RAB27B: variants seen among roughly 807,000 people sequenced by gnomAD.
The protein encoded by RAB27B is RAB27B, member RAS oncogene family.
Under a neutral mutation model 24.6 loss-of-function variants are expected in RAB27B, and 15 were observed. The ratio of observed to expected loss-of-function variants is 0.61; its 90% CI spans 0.41 to 0.94. The LOEUF (loss-of-function observed/expected upper bound fraction) is 0.94. RAB27B is among the 40% of genes least tolerant of loss of function. The pLI is 0.00. For synonymous variants in RAB27B, 105 were observed against 92.5 expected (o/e 1.14, Z -0.78); for missense variants, 261 against 266.8 (o/e 0.98, Z 0.15).
rs745847602 is a variant in RAB27B at position 54,802,088 on chromosome 18, T to C, written c.-19-75479T>C. Among the ~76,000 whole-genome samples, 68 of 152,224 alleles carry C rather than the reference T, an allele frequency of 4.5e-4. 1 individual carries two copies. Among genetic ancestry groups the C allele is most frequent in the Non-Finnish European group, 3.1e-4 (21 of 68,032 alleles). ...ATCTAAGCTACAAAACCTTCATTTT[T>C]GTTAGAGGTGAAGGAGTAAAGTGAG... On this transcript the variant is annotated intron_variant, in intron 2 of 4. Transcript: ENST00000586570.
At chr18:54,832,802 G>A (rs192106547) in intron 1 of RAB27B, among the ~76,000 whole-genome samples, 20 of 152,238 alleles carry the variant, frequency 1.3e-4, no homozygotes, top group Middle Eastern at 3.4e-3. Flanking sequence ...AGTGAGATGA[G>A]GACAGAGAAG....
intron 1 of RAB27B, among the ~76,000 whole-genome samples, chr18:54,847,274 C>T (rs144099223): frequency 6.6e-6 from 1 of 152,290 alleles, no homozygotes; most frequent in African/African-American, 2.4e-5. Context: ...ACATAAAATA[C>T]GTTTCTACTG....
chr18:54,833,528 T>G (rs74333617), intron 1 of RAB27B, among the ~76,000 whole-genome samples: 5,221 of 152,278 alleles, frequency 0.034, 140 homozygotes, highest in Admixed American at 0.077. Flanking sequence ...CACCCGGCCA[T>G]GAATCCCTCT....
Position 54,773,156 on chromosome 18 carries a change from G to GAA in RAB27B, c.-20+55017_-20+55018dup, listed in dbSNP as rs1366919898. 2.6e-5 allele frequency among the ~76,000 whole-genome samples: 4 copies of GAA among 151,878 alleles called. No homozygotes were observed. The East Asian group carries it at 7.7e-4, about 29-fold the overall frequency. ...ATTAAATTGAGCAGACATTAGCTTT[G>GAA]AAATTTCATTTTCTAAAGCACTAAA... On this transcript the variant is annotated intron_variant, in intron 2 of 4. Transcript: ENST00000586570.
intron 2 of RAB27B, among the ~76,000 whole-genome samples, chr18:54,773,534 G>A (rs1598893829): frequency 6.6e-6 from 1 of 152,300 alleles, no homozygotes; most frequent in East Asian, 1.9e-4. Flanking sequence ...GTCACAGGTA[G>A]TCCTATCTTC....
At chr18:54,816,674 G>C (rs1247839755) in intron 2 of RAB27B, among the ~76,000 whole-genome samples, 3 of 152,182 alleles carry the variant, frequency 2.0e-5, no homozygotes, top group Admixed American at 6.5e-5. Flanking sequence ...AAATATCTTA[G>C]AGTTAGGATC....
At chr18:54,767,095 G>C (rs1302099582) in intron 2 of RAB27B, among the ~76,000 whole-genome samples, 1 of 152,148 alleles carries the variant, frequency 6.6e-6, no homozygotes, top group African/African-American at 2.4e-5. Context: ...GGAAACTTTA[G>C]TCAATTACAG....
At chr18:54,887,383 T>C (rs1913188277) in intron 4 of RAB27B, among the ~76,000 whole-genome samples, 1 of 152,054 alleles carries the variant, frequency 6.6e-6, no homozygotes, top group Non-Finnish European at 1.5e-5. Flanking sequence ...TACTGAATAC[T>C]TACTATGTGC....
At chr18:54,784,575 T>C (rs1005432991) in intron 2 of RAB27B, among the ~76,000 whole-genome samples, 2 of 152,244 alleles carry the variant, frequency 1.3e-5, no homozygotes, top group African/African-American at 2.4e-5. Flanking sequence ...TTTGGTTTTC[T>C]GTTCCTGTGT....
At chr18:54,767,022 C>A (rs1345184233) in intron 2 of RAB27B, among the ~76,000 whole-genome samples, 1 of 152,116 alleles carries the variant, frequency 6.6e-6, no homozygotes, top group Non-Finnish European at 1.5e-5. Flanking sequence ...TGAGGACCAT[C>A]CAATTCACTA....
chr18:54,822,999 C>A (rs1910359558), intron 2 of RAB27B, among the ~76,000 whole-genome samples: 1 of 152,104 alleles, frequency 6.6e-6, no homozygotes, highest in East Asian at 1.9e-4. Flanking sequence ...AAGAAACAGG[C>A]AACATGAGGT....
chr18:54,853,120 T>C (rs1334891006), intron 1 of RAB27B, among the ~76,000 whole-genome samples: 2 of 152,194 alleles, frequency 1.3e-5, no homozygotes, highest in South Asian at 4.1e-4. Flanking sequence ...TTGCATATGG[T>C]TGATGTTCAG....
rs550001419 is a variant in RAB27B, at chr18:54,893,473, T to C, written c.*4060T>C. On this transcript the variant is annotated 3_prime_UTR_variant, in exon 6 of 6. Coordinates refer to ENST00000262094, the MANE Select transcript of RAB27B (RefSeq NM_004163.4). ...GAGAAAGCTTTATCATTTTTTAAGA[T>C]GCCAAGATGCTGCCTACGTTTGCAA... The C allele has an allele frequency of 3.9e-5, 6 of 152,142 alleles. No homozygotes were observed. The highest frequency in any genetic ancestry group is 1.2e-4 in the African/African-American group (5 of 41,560). The allele number at this position is 152,142 out of a possible 1,614,324, so 9.4% of individuals were successfully genotyped here. A position where few individuals can be genotyped will look rare whatever the true frequency, so the allele number is the denominator to read the frequency against.
intron 2 of RAB27B, among the ~76,000 whole-genome samples, chr18:54,807,017 C>A (rs1392875721): frequency 6.6e-6 from 1 of 152,130 alleles, no homozygotes; most frequent in African/African-American, 2.4e-5. Context: ...TCTCTTGCCT[C>A]AGTCTCCTGA....
intron 2 of RAB27B, among the ~76,000 whole-genome samples, chr18:54,741,922 AG>A (rs1910085356): frequency 6.6e-6 from 1 of 152,248 alleles, no homozygotes; most frequent in Non-Finnish European, 1.5e-5. Flanking sequence ...CATAGTCTAG[AG>A]TTAAATACTT....
chr18:54,798,891 A>G (rs1909509999), intron 2 of RAB27B, among the ~76,000 whole-genome samples: 1 of 152,242 alleles, frequency 6.6e-6, no homozygotes, highest in South Asian at 2.1e-4. Context: ...TATTATTAAC[A>G]TTTAAGAAAC....
At chr18:54,848,803 G>C (rs896123451) in intron 1 of RAB27B, among the ~76,000 whole-genome samples, 16 of 152,166 alleles carry the variant, frequency 1.1e-4, no homozygotes, top group Admixed American at 9.8e-4. Flanking sequence ...TGTTCCCAGG[G>C]AGCTAAAAGT....
intron 1 of RAB27B, among the ~76,000 whole-genome samples, chr18:54,861,751 G>T (rs565645530): frequency 1.7e-4 from 26 of 152,216 alleles, no homozygotes; most frequent in Admixed American, 1.6e-3. Flanking sequence ...ACTTAAATTG[G>T]TGTATGGCCT....
intron 2 of RAB27B, among the ~76,000 whole-genome samples, chr18:54,797,258 G>A (rs1909451748): frequency 6.6e-6 from 1 of 152,176 alleles, no homozygotes; most frequent in Non-Finnish European, 1.5e-5. Flanking sequence ...TGTAAGAGTA[G>A]CTTATAGGCA....
Sources: allele counts gnomAD v4.1 joint callset (sites outside exome capture counted in the v4.1 genomes callset), GRCh38; gene constraint gnomAD v4.1.1; transcripts MANE v1.5; gene names NCBI Gene and HGNC (gene_info 2026-07-23, HGNC 2026-07-21).